Variants in CERS6 observed in about 807,000 individuals in gnomAD.
CERS6 encodes LAG1 homolog, ceramide synthase 6.
Under a neutral mutation model 56.8 loss-of-function variants are expected in CERS6, and 26 were observed. The observed-to-expected ratio is 0.46, with a 90% CI of 0.34 to 0.63. CERS6 has a LOEUF of 0.63. Ranked by LOEUF, CERS6 falls within the 30% of genes least tolerant of loss-of-function variation. The probability of loss-of-function intolerance (pLI) is 0.01; values close to 1 mark genes in which losing one functional copy is unlikely to be tolerated. For missense variants in CERS6, 415 were observed against 467.5 expected, an observed-to-expected ratio of 0.89 and a Z score of 1.04; for synonymous variants, 164 against 173.3, an observed-to-expected ratio of 0.95 and a Z score of 0.42.
At chr2:168,552,695 A>G (rs1574061081) in intron 2 of CERS6, among the ~76,000 whole-genome samples, 1 of 152,146 alleles carries the variant, frequency 6.6e-6, no homozygotes, top group Admixed American at 6.5e-5. Flanking sequence ...GGAGGGACAC[A>G]TAAAGCCACG....
rs1220257378 is a variant in CERS6, at chr2:168,770,807, C to T, written c.*1145C>T. ...TTCTCCTTAAACGTAATCCAGATGACTTTCCTGTTACTAAACACTGAGCAG... is the reference window on the plus strand; with the variant it reads ...TTCTCCTTAAACGTAATCCAGATGATTTTCCTGTTACTAAACACTGAGCAG... On this transcript the variant is annotated 3_prime_UTR_variant, in exon 10 of 10. Coordinates refer to ENST00000305747, the MANE Select transcript of CERS6 (RefSeq NM_203463.3). The T allele has an allele frequency of 6.6e-6, 1 of 152,438 alleles. No homozygotes were observed. The highest frequency in any genetic ancestry group is 1.5e-5 in the Non-Finnish European group (1 of 68,018). The allele number at this position is 152,438 out of a possible 1,614,324, so 9.4% of individuals were successfully genotyped here. A position where few individuals can be genotyped will look rare whatever the true frequency, so the allele number is the denominator to read the frequency against.
At chr2:168,635,781 CTT>C (rs578150100) in intron 4 of CERS6, among the ~76,000 whole-genome samples, 87 of 152,312 alleles carry the variant, frequency 5.7e-4, no homozygotes, top group Middle Eastern at 6.8e-3. Context: ...CTCCCTTAGA[CTT>C]TCTGAATCCA....
intron 3 of CERS6, among the ~76,000 whole-genome samples, chr2:168,621,968 G>T (rs114268452): frequency 6.6e-6 from 1 of 152,302 alleles, no homozygotes; most frequent in South Asian, 2.1e-4. Context: ...AGGCAAAGAC[G>T]TAGTCATTTA....
intron 8 of CERS6, among the ~76,000 whole-genome samples, chr2:168,764,407 G>A (rs1391802248): frequency 6.6e-6 from 1 of 152,140 alleles, no homozygotes; most frequent in Admixed American, 6.5e-5. Context: ...CTCCCAAAGT[G>A]CTGGGATTAC....
intron 8 of CERS6, among the ~76,000 whole-genome samples, chr2:168,729,009 C>CA (rs757181111): frequency 0.21 from 12,144 of 59,218 alleles, 1,006 homozygotes; most frequent in African/African-American, 0.24. Context: ...GACTCTGTCT[C>CA]AAAAAAAAAA....
chr2:168,666,243 A>T (rs1368982824), intron 4 of CERS6, among the ~76,000 whole-genome samples: 1 of 152,200 alleles, frequency 6.6e-6, no homozygotes, highest in Non-Finnish European at 1.5e-5. Context: ...ATGTATAATG[A>T]CATGCATCCA....
At chr2:168,720,037 G>A (rs1400925818) in intron 8 of CERS6, among the ~76,000 whole-genome samples, 1 of 151,026 alleles carries the variant, frequency 6.6e-6, no homozygotes, top group Non-Finnish European at 1.5e-5. Context: ...CCAGGTTCAA[G>A]TGATTCTTCG....
intron 1 of CERS6, among the ~76,000 whole-genome samples, chr2:168,489,462 T>G (rs569474226): frequency 1.3e-5 from 2 of 150,884 alleles, no homozygotes; most frequent in East Asian, 3.9e-4. Context: ...TCAAATAGTT[T>G]CTCCACCAAT....
At chr2:168,718,032 T>G (rs1260681943) in intron 8 of CERS6, 54 bp downstream of exon 8, 1 of 1,296,950 alleles carries the variant, frequency 7.7e-7, no homozygotes. Flanking sequence ...ATAAGCTTTC[T>G]GAACCATTTT....
chr2:168,589,622 A>G (rs911685110), intron 3 of CERS6, among the ~76,000 whole-genome samples: 11 of 152,192 alleles, frequency 7.2e-5, no homozygotes, highest in Non-Finnish European at 1.6e-4. Context: ...GTGTATTTCT[A>G]GTTTTCACAT....
intron 1 of CERS6, among the ~76,000 whole-genome samples, chr2:168,484,934 C>G (rs1343369965): frequency 1.3e-5 from 2 of 152,102 alleles, no homozygotes; most frequent in Admixed American, 1.3e-4. Flanking sequence ...CAGAATGTAC[C>G]TTCTTTATGA....
intron 7 of CERS6, 73 bp downstream of exon 7, chr2:168,715,202 AGT>A: frequency 7.3e-7 from 1 of 1,365,632 alleles, no homozygotes; most frequent in South Asian, 1.3e-5. Context: ...TTAGCTCTTC[AGT>A]GTTATGCTAG....
chr2:168,675,240 G>A (rs1272978206), intron 4 of CERS6, among the ~76,000 whole-genome samples: 1 of 151,994 alleles, frequency 6.6e-6, no homozygotes, highest in Non-Finnish European at 1.5e-5. Flanking sequence ...CCAAAGTGCT[G>A]GGATTACAGG....
intron 8 of CERS6, among the ~76,000 whole-genome samples, chr2:168,742,680 C>T (rs567550520): frequency 6.6e-6 from 1 of 152,262 alleles, no homozygotes; most frequent in South Asian, 2.1e-4. Flanking sequence ...ACCACTAATA[C>T]CAACACCCAC....
At chr2:168,614,655 T>A (rs1019598730) in intron 3 of CERS6, among the ~76,000 whole-genome samples, 1 of 152,150 alleles carries the variant, frequency 6.6e-6, no homozygotes, top group Non-Finnish European at 1.5e-5. Flanking sequence ...ATAATCTTCC[T>A]GGGAACATAA....
chr2:168,575,548 A>G (rs1416750442), intron 3 of CERS6, among the ~76,000 whole-genome samples: 1 of 152,074 alleles, frequency 6.6e-6, no homozygotes, highest in African/African-American at 2.4e-5. Context: ...TGTGGGGATT[A>G]TATTCTGAGA....
intron 2 of CERS6, among the ~76,000 whole-genome samples, chr2:168,554,393 G>C (rs1305150834): frequency 6.6e-6 from 1 of 152,168 alleles, no homozygotes; most frequent in African/African-American, 2.4e-5. Context: ...TTTGGAGATA[G>C]GATCTTTACA....
chr2:168,669,937 A>T (rs191700771), intron 4 of CERS6, among the ~76,000 whole-genome samples: 1 of 152,374 alleles, frequency 6.6e-6, no homozygotes, highest in East Asian at 1.9e-4. Context: ...AGTGTTTATC[A>T]TATGGGTCTT....
intron 4 of CERS6, among the ~76,000 whole-genome samples, chr2:168,679,721 A>G (rs1453118693): frequency 2.0e-5 from 3 of 152,226 alleles, no homozygotes; most frequent in Non-Finnish European, 4.4e-5. Context: ...AATTCTCTTT[A>G]TAGTGTTTAT....
Sources: gnomAD v4.1 joint callset for allele counts (sites outside exome capture counted in the v4.1 genomes callset) on GRCh38, gnomAD v4.1.1 for gene constraint, MANE v1.5 for transcripts, NCBI Gene and HGNC (gene_info 2026-07-23, HGNC 2026-07-21) for gene names.